The following MCPH1 variants were observed in gnomAD, a reference collection of about 807,000 sequenced individuals.
The protein encoded by MCPH1 is microcephalin.
In MCPH1, 104 loss-of-function variants were observed where a neutral mutation model predicts 84.5. The ratio of observed to expected loss-of-function variants is 1.23; its 90% confidence interval spans 1.05 to 1.45. The LOEUF (loss-of-function observed/expected upper bound fraction) is 1.45, where lower values mean the gene tolerates loss of function less well. Ranked by LOEUF, MCPH1 falls within the 40% of genes most tolerant of loss-of-function variation. MCPH1 has a pLI of 0.00. For synonymous variants in MCPH1, 514 were observed against 366.8 expected (o/e 1.40, Z -4.58); for missense variants, 1,498 against 1,005.7 (o/e 1.49, Z -6.62).
rs558823454 is a variant in MCPH1, at chr8:6,555,387, A to G, written c.2214+55458A>G. ...ACTTCCAGAACAGGGCTGTAACTAG[A>G]TGTATGGTTTGTAAGAATATCCCAT... On this transcript the variant is annotated intron_variant, in intron 12 of 13. Transcript: ENST00000344683. Among the ~76,000 whole-genome samples the G allele has an allele frequency of 3.3e-5, 5 of 151,982 alleles. No homozygotes were observed. In the South Asian group the frequency reaches 8.3e-4, roughly 25 times the overall value.
intron 13 of MCPH1, among the ~76,000 whole-genome samples, chr8:6,629,620 C>T (rs1320621288): frequency 6.6e-6 from 1 of 152,188 alleles, no homozygotes; most frequent in Non-Finnish European, 1.5e-5. Context: ...ACACCTTGGT[C>T]TTGGACTTCC....
At chr8:6,514,162 G>T (rs755317293) in intron 12 of MCPH1, among the ~76,000 whole-genome samples, 2 of 152,144 alleles carry the variant, frequency 1.3e-5, no homozygotes, top group South Asian at 2.1e-4. Context: ...CCAAAAAAAT[G>T]CTGAGTCCAC....
At chr8:6,505,997 C>T (rs13269184) in intron 12 of MCPH1, among the ~76,000 whole-genome samples, 11 of 132,840 alleles carry the variant, frequency 8.3e-5, no homozygotes, top group East Asian at 2.2e-4. Flanking sequence ...AAAACATATA[C>T]ATATTCTTTA....
chr8:6,501,767 G>T (rs1460347250), intron 12 of MCPH1: 1 of 151,976 alleles, frequency 6.6e-6, no homozygotes, highest in Non-Finnish European at 1.5e-5. Context: ...ATGTTGTCCA[G>T]GCTGGTCTTG....
intron 9 of MCPH1, among the ~76,000 whole-genome samples, chr8:6,466,841 G>A (rs370509915): frequency 3.9e-5 from 6 of 152,208 alleles, no homozygotes; most frequent in Non-Finnish European, 8.8e-5. Context: ...CTTCCAAAGT[G>A]CTGGGATTAC....
chr8:6,561,204 C>G (rs1003369155), intron 12 of MCPH1, among the ~76,000 whole-genome samples: 15 of 152,188 alleles, frequency 9.9e-5, no homozygotes, highest in African/African-American at 3.4e-4. Context: ...ACCACAGTGA[C>G]CTGGGAAAGG....
intron 12 of MCPH1, among the ~76,000 whole-genome samples, chr8:6,564,536 T>C (rs73201304): frequency 1.4e-4 from 22 of 152,242 alleles, no homozygotes; most frequent in Non-Finnish European, 3.1e-4. Flanking sequence ...ATATGTTAAC[T>C]CAGCAGCCCA....
At chr8:6,600,361 C>G (rs1056387358) in intron 12 of MCPH1, among the ~76,000 whole-genome samples, 1 of 152,236 alleles carries the variant, frequency 6.6e-6, no homozygotes, top group Non-Finnish European at 1.5e-5. Flanking sequence ...CCACCTGTAG[C>G]CCTCAGCGCA....
At chr8:6,528,578 C>T (rs1818823470) in intron 12 of MCPH1, among the ~76,000 whole-genome samples, 1 of 152,226 alleles carries the variant, frequency 6.6e-6, no homozygotes, top group South Asian at 2.1e-4. Context: ...GAAGCGGAGC[C>T]TCAGCCTTGC....
chr8:6,452,420 C>T (rs1275572572), intron 8 of MCPH1, among the ~76,000 whole-genome samples: 1 of 152,162 alleles, frequency 6.6e-6, no homozygotes, highest in African/African-American at 2.4e-5. Flanking sequence ...GATTCATTTC[C>T]GTATTTGATC....
In MCPH1 at chr8:6,628,355, C is replaced by G. The variant is rs990445847; in HGVS notation, c.2452+6664C>G. ...TCGTGGTGGCAGGTGCCTGTAGTCC[C>G]AGCTACTCAGGAGGCTGAGGCAGGA... On this transcript the variant is annotated intron_variant, in intron 13 of 13. Transcript: ENST00000344683. 8.6e-5 allele frequency among the ~76,000 whole-genome samples: 13 copies of G among 150,710 alleles called. 1 individual carries two copies. The highest frequency in any genetic ancestry group is 5.9e-5 in the Non-Finnish European group (4 of 67,856).
chr8:6,459,892 G>A (rs2129557291), intron 9 of MCPH1, among the ~76,000 whole-genome samples: 1 of 152,324 alleles, frequency 6.6e-6, no homozygotes, highest in Non-Finnish European at 1.5e-5. Context: ...AAGGCCTGGA[G>A]CCTGTGCGAA....
intron 12 of MCPH1, among the ~76,000 whole-genome samples, chr8:6,568,560 G>A (rs974335379): frequency 6.6e-6 from 1 of 152,178 alleles, no homozygotes; most frequent in Non-Finnish European, 1.5e-5. Context: ...ACCCAGGCCC[G>A]GGGTCGTTTT....
At chr8:6,504,798 T>C (rs1031556983) in intron 12 of MCPH1, among the ~76,000 whole-genome samples, 1 of 152,192 alleles carries the variant, frequency 6.6e-6, no homozygotes, top group Non-Finnish European at 1.5e-5. Flanking sequence ...GTTTACAAAC[T>C]AAACTTTGTA....
intron 12 of MCPH1, among the ~76,000 whole-genome samples, chr8:6,534,216 T>A (rs901816948): frequency 6.6e-5 from 10 of 151,700 alleles, no homozygotes; most frequent in African/African-American, 2.4e-4. Context: ...AAAAAAAAAA[T>A]AACAATACAA....
At chr8:6,569,905 T>A (rs916847439) in intron 12 of MCPH1, among the ~76,000 whole-genome samples, 4 of 152,194 alleles carry the variant, frequency 2.6e-5, no homozygotes, top group Non-Finnish European at 5.9e-5. Flanking sequence ...GGGTCTTGTA[T>A]GAAAGCTCAC....
rs556519372 is a variant in MCPH1, at chr8:6,521,519, A to G, written c.2214+21590A>G. ...ACTCTGTTAAGATATTGTAGTGGTTATAAAGTAATATGATGTTACCAGAGC... is the reference window on the plus strand; with the variant it reads ...ACTCTGTTAAGATATTGTAGTGGTTGTAAAGTAATATGATGTTACCAGAGC... On this transcript the variant is annotated intron_variant, in intron 12 of 13. Coordinates refer to ENST00000344683, the MANE Select transcript of MCPH1 (RefSeq NM_024596.5). 72 of 800,558 alleles carry G rather than the reference A, an allele frequency of 9.0e-5. No individual in the cohort carries two copies. The East Asian group carries it at 1.6e-3, about 18-fold the overall frequency. 49.6% of individuals were successfully genotyped at this position (800,558 alleles called of 1,614,324 possible).
intron 2 of MCPH1, among the ~76,000 whole-genome samples, chr8:6,411,456 C>T (rs973818615): frequency 7.9e-5 from 12 of 152,204 alleles, no homozygotes; most frequent in Non-Finnish European, 1.5e-4. Flanking sequence ...AGTGATGATG[C>T]TGGCAATTCA....
intron 12 of MCPH1, among the ~76,000 whole-genome samples, chr8:6,556,991 A>G (rs766157726): frequency 2.0e-5 from 3 of 152,164 alleles, no homozygotes; most frequent in Non-Finnish European, 2.9e-5. Context: ...AAATAAATCA[A>G]CTTGCATGGC....
Sources: allele counts gnomAD v4.1 joint callset (sites outside exome capture counted in the v4.1 genomes callset), GRCh38; gene constraint gnomAD v4.1.1; transcripts MANE v1.5; gene names NCBI Gene and HGNC (gene_info 2026-07-23, HGNC 2026-07-21).